Variants in MED27 observed in about 807,000 individuals in gnomAD.
MED27 encodes mediator of RNA polymerase II transcription subunit 27.
In MED27, 30 loss-of-function variants were observed where a neutral mutation model predicts 38.2. That is an observed-to-expected ratio of 0.79 (90% CI 0.59 to 1.07). The LOEUF (loss-of-function observed/expected upper bound fraction) is 1.07. Among genes scored for constraint, MED27 ranks in the 50% least tolerant of loss-of-function variants. MED27 has a pLI of 0.00. For synonymous variants in MED27, 122 were observed against 153.5 expected (o/e 0.79, Z 1.52); for missense variants, 289 against 397.5 (o/e 0.73, Z 2.32).
chr9:131,880,055 C>T (rs1431341169), intron 6 of MED27, among the ~76,000 whole-genome samples: 2 of 152,232 alleles, frequency 1.3e-5, no homozygotes, highest in Non-Finnish European at 2.9e-5. Context: ...GGCAGTGGCA[C>T]AGGGAGGTCT....
chr9:132,042,032 G>A (rs1205603256), intron 2 of MED27, among the ~76,000 whole-genome samples: 1 of 152,224 alleles, frequency 6.6e-6, no homozygotes, highest in East Asian at 1.9e-4. Flanking sequence ...AACCAGGGGA[G>A]GTGACAAAGT....
intron 6 of MED27, among the ~76,000 whole-genome samples, chr9:131,867,336 A>G (rs1838754254): frequency 6.6e-6 from 1 of 152,122 alleles, no homozygotes; most frequent in African/African-American, 2.4e-5. Flanking sequence ...TCTGTGGTAG[A>G]AGTTACCAGC....
intron 4 of MED27, among the ~76,000 whole-genome samples, chr9:131,937,462 C>T (rs978525885): frequency 6.6e-6 from 1 of 152,106 alleles, no homozygotes; most frequent in Non-Finnish European, 1.5e-5. Context: ...TTGAATTGAG[C>T]CCCTAAACTC....
chr9:131,911,854 T>C (rs1213881758), intron 4 of MED27, among the ~76,000 whole-genome samples: 2 of 152,170 alleles, frequency 1.3e-5, no homozygotes, highest in Non-Finnish European at 2.9e-5. Flanking sequence ...ATCCTTTACA[T>C]ATTTTACTTT....
At chr9:132,074,133 T>C (rs1833999090) in intron 2 of MED27, among the ~76,000 whole-genome samples, 2 of 152,224 alleles carry the variant, frequency 1.3e-5, no homozygotes, top group African/African-American at 4.8e-5. Flanking sequence ...AAGCTTGTCA[T>C]CCTTCTCACA....
At chr9:131,920,012 T>C (rs1468461745) in intron 4 of MED27, among the ~76,000 whole-genome samples, 1 of 152,140 alleles carries the variant, frequency 6.6e-6, no homozygotes, top group Non-Finnish European at 1.5e-5. Context: ...GGTTTTTCCA[T>C]GTTGCCCAGC....
chr9:131,887,642 G>A (rs1839162278), intron 5 of MED27, among the ~76,000 whole-genome samples: 3 of 152,182 alleles, frequency 2.0e-5, no homozygotes, highest in South Asian at 2.1e-4. Flanking sequence ...TTACTGCAGA[G>A]GCAGACATGG....
intron 4 of MED27, among the ~76,000 whole-genome samples, chr9:131,902,364 C>T (rs1317898454): frequency 6.6e-6 from 1 of 152,024 alleles, no homozygotes; most frequent in Non-Finnish European, 1.5e-5. Flanking sequence ...TTGCTTCTTT[C>T]TAGGAAAACT....
At chr9:132,004,855 T>G (rs1202110035) in intron 3 of MED27, among the ~76,000 whole-genome samples, 1 of 152,136 alleles carries the variant, frequency 6.6e-6, no homozygotes, top group Non-Finnish European at 1.5e-5. Flanking sequence ...GAACGAGCCT[T>G]CAGGACTCAT....
Position 131,941,817 on chromosome 9 carries a change from A to ATTTTTTTTTTTTTTTT in MED27, c.480-2359_480-2344dup, listed in dbSNP as rs766438800. Among the ~76,000 whole-genome samples the ATTTTTTTTTTTTTTTT allele has an allele frequency of 1.2e-4, 10 of 82,514 alleles. 1 individual carries two copies. Among genetic ancestry groups the ATTTTTTTTTTTTTTTT allele is most frequent in the Non-Finnish European group, 2.2e-4 (10 of 45,632 alleles). 54.1% of individuals were successfully genotyped at this position (82,514 alleles called of 152,430 possible). Reference sequence around the variant, plus strand: ...TAAAGGCAAAGCCCCATTCTGCTGAATTTTTTTTTTTTTTTTTTTTTTTTT... The same window carrying ATTTTTTTTTTTTTTTT: ...TAAAGGCAAAGCCCCATTCTGCTGAATTTTTTTTTTTTTTTTTTTTTTTTTTTTTTTTTTTTTTTTT... On this transcript the variant is annotated intron_variant, in intron 3 of 7. Transcript: ENST00000292035.
At chr9:132,052,200 T>G (rs1168894587) in intron 2 of MED27, among the ~76,000 whole-genome samples, 3 of 152,204 alleles carry the variant, frequency 2.0e-5, no homozygotes, top group African/African-American at 7.2e-5. Flanking sequence ...AACTTCATTC[T>G]TGTACATTTC....
intron 2 of MED27, among the ~76,000 whole-genome samples, chr9:132,038,261 G>A (rs1481346377): frequency 2.2e-5 from 3 of 138,548 alleles, no homozygotes; most frequent in African/African-American, 5.5e-5. Context: ...GCGGGATCTC[G>A]GCTCACTGCA....
At chr9:132,038,193 T>C (rs1022169169) in intron 2 of MED27, among the ~76,000 whole-genome samples, 36 of 144,514 alleles carry the variant, frequency 2.5e-4, no homozygotes, top group Non-Finnish European at 7.6e-5. Flanking sequence ...TCCTTCTTTT[T>C]TTTTTTTTTT....
chr9:132,073,057 A>T (rs917079437), intron 2 of MED27, among the ~76,000 whole-genome samples: 1 of 152,024 alleles, frequency 6.6e-6, no homozygotes, highest in South Asian at 2.1e-4. Flanking sequence ...CAACTCCAAA[A>T]AACTTCCACC....
rs117485144 is a variant in MED27 at position 132,023,508 on chromosome 9, C to T, written c.349-9041G>A. On this transcript the variant is annotated intron_variant, in intron 2 of 7. Coordinates refer to ENST00000292035, the MANE Select transcript of MED27 (RefSeq NM_004269.4). Reference sequence around the variant, plus strand: ...AGAGTTTATTTAGCTCTTCTTTATTCCAGTGTCATGAAATGCCTGTTTCTG... The same window carrying T: ...AGAGTTTATTTAGCTCTTCTTTATTTCAGTGTCATGAAATGCCTGTTTCTG... Among the ~76,000 whole-genome samples, 836 of 152,296 alleles carry T rather than the reference C, an allele frequency of 5.5e-3. 3 individuals are homozygous for T. Among genetic ancestry groups the T allele is most frequent in the Non-Finnish European group, 9.0e-3 (613 of 68,022 alleles).
intron 5 of MED27, among the ~76,000 whole-genome samples, chr9:131,885,132 T>G (rs963873643): frequency 2.0e-5 from 3 of 152,156 alleles, no homozygotes; most frequent in Non-Finnish European, 4.4e-5. Flanking sequence ...GCTGGCAGCA[T>G]CCAGCTGCTG....
intron 2 of MED27, among the ~76,000 whole-genome samples, chr9:132,066,061 C>T (rs1833802780): frequency 6.6e-6 from 1 of 152,190 alleles, no homozygotes; most frequent in South Asian, 2.1e-4. Flanking sequence ...AGAGGTGGTG[C>T]TCAATTACTG....
At chr9:131,905,113 T>TA (rs1487637367) in intron 4 of MED27, among the ~76,000 whole-genome samples, 2 of 152,358 alleles carry the variant, frequency 1.3e-5, no homozygotes, top group East Asian at 1.9e-4. Context: ...ATTTAATTTA[T>TA]AAAACGTATA....
intron 2 of MED27, among the ~76,000 whole-genome samples, chr9:132,057,566 A>C (rs1226905448): frequency 6.6e-6 from 1 of 152,248 alleles, no homozygotes; most frequent in Admixed American, 6.5e-5. Context: ...TGAAATAATC[A>C]GGAATAACTT....
Sources: gnomAD v4.1 joint callset for allele counts (sites outside exome capture counted in the v4.1 genomes callset) on GRCh38, gnomAD v4.1.1 for gene constraint, MANE v1.5 for transcripts, NCBI Gene and HGNC (gene_info 2026-07-23, HGNC 2026-07-21) for gene names.